The following ZYG11A variants were observed in gnomAD, a reference collection of about 807,000 sequenced individuals.
ZYG11A encodes the protein protein zyg-11 homolog A.
A neutral mutation model predicts 77.2 loss-of-function variants in ZYG11A; 62 were observed. The ratio of observed to expected loss-of-function variants is 0.80; its 90% CI spans 0.65 to 0.99. The LOEUF (loss-of-function observed/expected upper bound fraction) is 0.99. ZYG11A is among the 50% of genes least tolerant of loss of function. The pLI, the probability that ZYG11A is intolerant of heterozygous loss-of-function variation, is 0.00. For missense variants in ZYG11A, 828 were observed against 896.8 expected (o/e 0.92, Z 0.98); for synonymous variants, 315 against 324.6 (o/e 0.97, Z 0.32).
At chr1:52,861,161 A>G (rs1645919726) in intron 4 of ZYG11A, among the ~76,000 whole-genome samples, 1 of 152,224 alleles carries the variant, frequency 6.6e-6, no homozygotes, top group Non-Finnish European at 1.5e-5. Context: ...AATAAAAATA[A>G]TTAAGGGTGG....
chr1:52,849,232 G>T (rs1022278663), intron 1 of ZYG11A, among the ~76,000 whole-genome samples: 1 of 151,426 alleles, frequency 6.6e-6, no homozygotes, highest in Non-Finnish European at 1.5e-5. Context: ...ACCACGCCCA[G>T]CTGATTTTTG....
chr1:52,845,635 A>AT (rs34141053), intron 1 of ZYG11A, among the ~76,000 whole-genome samples: 8,190 of 139,240 alleles, frequency 0.059, 392 homozygotes, highest in East Asian at 0.27. Flanking sequence ...TTATTTTTGA[A>AT]TTTTTTTTTT....
In ZYG11A at chr1:52,867,611, G is replaced by GAGT. The variant is rs1296311713; in HGVS notation, c.1465_1467dup (p.Ser489dup). ...ACCCCAAGATGCAAACAATGGCAGT[G>GAGT]AGTGTCACCTCTATTCTGGCTCTGC... is the stretch of plus-strand genomic sequence containing the variant. On this transcript the variant is annotated inframe_insertion, in exon 7 of 14. Transcript: ENST00000371528. 2 of 1,552,274 alleles carry GAGT rather than the reference G, an allele frequency of 1.3e-6. No individual in the cohort carries two copies. The highest frequency in any genetic ancestry group is 2.4e-5 in the South Asian group (2 of 84,056).
chr1:52,883,019 G>C (rs1439708059), intron 11 of ZYG11A, among the ~76,000 whole-genome samples: 3 of 147,356 alleles, frequency 2.0e-5, no homozygotes, highest in African/African-American at 8.0e-5. Flanking sequence ...TTTTTGTTCT[G>C]AATCCTCTTC....
chr1:52,870,334 A>G (rs558426888), intron 8 of ZYG11A, among the ~76,000 whole-genome samples: 1 of 150,538 alleles, frequency 6.6e-6, no homozygotes, highest in Non-Finnish European at 1.5e-5. Context: ...CTCACTTCCT[A>G]GACAGGATGG....
At chr1:52,867,314 T>C (rs1646044043) in intron 6 of ZYG11A, among the ~76,000 whole-genome samples, 1 of 152,222 alleles carries the variant, frequency 6.6e-6, no homozygotes, top group Admixed American at 6.5e-5. Context: ...GATTTGCTCA[T>C]CTTTATGTAA....
intron 8 of ZYG11A, among the ~76,000 whole-genome samples, chr1:52,868,864 T>A (rs760488241): frequency 3.9e-5 from 6 of 152,210 alleles, no homozygotes; most frequent in Non-Finnish European, 5.9e-5. Flanking sequence ...ATGAATTTTT[T>A]TTTTCTCGTT....
chr1:52,850,535 G>A (rs1645689057), intron 1 of ZYG11A, among the ~76,000 whole-genome samples: 1 of 151,970 alleles, frequency 6.6e-6, no homozygotes, highest in African/African-American at 2.4e-5. Context: ...GGCCAGGCTG[G>A]TCTCGAACTC....
chr1:52,885,455 T>C (rs1646433428), intron 11 of ZYG11A, among the ~76,000 whole-genome samples: 1 of 152,114 alleles, frequency 6.6e-6, no homozygotes, highest in African/African-American at 2.4e-5. Context: ...CCGCCCGCCT[T>C]GGCCTCCCAA....
chr1:52,842,879 T>G lies in ZYG11A; in HGVS notation c.-5T>G. 6.5e-7 allele frequency: 1 copy of G among 1,529,168 alleles called. No individual in the cohort carries two copies. Among genetic ancestry groups the G allele is most frequent in the Non-Finnish European group, 8.8e-7 (1 of 1,137,650 alleles). The allele number at this position is 1,529,168 out of a possible 1,614,324, so 94.7% of individuals were successfully genotyped here. On this transcript the variant is annotated 5_prime_UTR_variant, in exon 1 of 14. Transcript: ENST00000371528. The stretch of plus-strand genomic sequence containing the variant: ...TCTTTTTGACGCCCCGCCGCCGGGG[T>G]TGCCATGGTTCATTTCTTGCACCCG...
intron 13 of ZYG11A, among the ~76,000 whole-genome samples, chr1:52,887,645 G>T (rs986814306): frequency 2.8e-4 from 42 of 151,880 alleles, no homozygotes; most frequent in African/African-American, 9.4e-4. Flanking sequence ...CACTTTGGGA[G>T]GCCGAGGCAG....
chr1:52,879,664 T>G (rs558328384), intron 10 of ZYG11A, among the ~76,000 whole-genome samples: 2 of 152,278 alleles, frequency 1.3e-5, no homozygotes, highest in East Asian at 3.9e-4. Flanking sequence ...TGGGAAATAA[T>G]GCCAGAAAGT....
intron 1 of ZYG11A, among the ~76,000 whole-genome samples, chr1:52,843,862 A>G (rs1382941596): frequency 1.3e-5 from 2 of 151,152 alleles, no homozygotes; most frequent in African/African-American, 2.4e-5. Flanking sequence ...CATTTTTTGT[A>G]TTTTTAGTAG....
chr1:52,888,270 A>G (rs948867984), intron 13 of ZYG11A, among the ~76,000 whole-genome samples: 2 of 152,236 alleles, frequency 1.3e-5, no homozygotes, highest in African/African-American at 4.8e-5. Flanking sequence ...ATGTAATATA[A>G]TTCAACTGAA....
chr1:52,858,788 A>G lies in ZYG11A; in HGVS notation c.1008+1039A>G, dbSNP rs1041755819. Among the ~76,000 whole-genome samples the G allele has an allele frequency of 6.7e-5, 10 of 150,010 alleles. No individual in the cohort carries two copies. The Admixed American group carries it at 6.7e-4, about 10-fold the overall frequency. On this transcript the variant is annotated intron_variant, in intron 3 of 13. Coordinates refer to ENST00000371528, the MANE Select transcript of ZYG11A (RefSeq NM_001004339.3). Reference sequence around the variant, plus strand: ...CCACCACACCTGGCTAATTTTTTGTATTTTTAGTAGAGGCAGAGTTTCACT... The same window carrying G: ...CCACCACACCTGGCTAATTTTTTGTGTTTTTAGTAGAGGCAGAGTTTCACT...
rs947022448 is a variant in ZYG11A, at chr1:52,857,092, A to G, written c.351A>G (p.Ala117=). ...NIQKAKISTA[A]FIKAFCRHKL... ...AAAAAGCTAAAATCTCTACAGCTGC[A>G]TTCATAAAAGCCTTCTGCCGTCATA... is the stretch of plus-strand genomic sequence containing the variant. The change falls in exon 3 of 14, where the codon GCA becomes GCG. Residue 117 remains alanine, a synonymous_variant. Coordinates refer to ENST00000371528, the MANE Select transcript of ZYG11A (RefSeq NM_001004339.3). The G allele has an allele frequency of 6.4e-7, 1 of 1,551,628 alleles. No individual in the cohort carries two copies. Among genetic ancestry groups the G allele is most frequent in the African/African-American group, 1.4e-5 (1 of 73,040 alleles).
At chr1:52,852,892 C>T (rs929434485) in intron 1 of ZYG11A, among the ~76,000 whole-genome samples, 5 of 152,068 alleles carry the variant, frequency 3.3e-5, no homozygotes, top group Admixed American at 6.6e-5. Flanking sequence ...TTGAATATCT[C>T]GTGGAATTTA....
At chr1:52,880,575 T>C (rs941610489) in intron 10 of ZYG11A, among the ~76,000 whole-genome samples, 3 of 152,156 alleles carry the variant, frequency 2.0e-5, no homozygotes, top group Admixed American at 6.5e-5. Context: ...TATATACTTA[T>C]ATATATGTAT....
intron 13 of ZYG11A, among the ~76,000 whole-genome samples, chr1:52,891,784 C>T (rs972967900): frequency 2.0e-5 from 3 of 151,988 alleles, no homozygotes; most frequent in African/African-American, 7.3e-5. Flanking sequence ...GCAGGCTAAG[C>T]TGCAGGTTAG....
Sources: gnomAD v4.1 joint callset for allele counts (sites outside exome capture counted in the v4.1 genomes callset) on GRCh38, gnomAD v4.1.1 for gene constraint, MANE v1.5 for transcripts, NCBI Gene and HGNC (gene_info 2026-07-23, HGNC 2026-07-21) for gene names.